KIF6: variants seen among roughly 807,000 people sequenced by gnomAD.
KIF6 encodes the protein kinesin-like protein KIF6.
Under a neutral mutation model 112.7 loss-of-function variants are expected in KIF6, and 106 were observed. That is an observed-to-expected ratio of 0.94 (90% CI 0.80 to 1.11). KIF6 has a LOEUF of 1.11. Among genes scored for constraint, KIF6 ranks in the 50% least tolerant of loss-of-function variants. The pLI, the probability that KIF6 is intolerant of heterozygous loss-of-function variation, is 0.00. For missense variants in KIF6, 929 were observed against 964.0 expected, an observed-to-expected ratio of 0.96 and a Z score of 0.48; for synonymous variants, 339 against 339.9, an observed-to-expected ratio of 1.00 and a Z score of 0.03.
At chr6:39,534,178 G>C (rs1778261830) in intron 13 of KIF6, among the ~76,000 whole-genome samples, 1 of 152,208 alleles carries the variant, frequency 6.6e-6, no homozygotes, top group Non-Finnish European at 1.5e-5. Context: ...AAGGAACGCA[G>C]TTCCTCACCA....
At chr6:39,575,889 G>A (rs1210947639) in intron 10 of KIF6, among the ~76,000 whole-genome samples, 3 of 152,042 alleles carry the variant, frequency 2.0e-5, no homozygotes, top group Non-Finnish European at 4.4e-5. Flanking sequence ...CCCACCTCTC[G>A]GTCCCTCAGG....
chr6:39,599,396 G>C (rs137871211), intron 6 of KIF6, among the ~76,000 whole-genome samples: 1 of 152,238 alleles, frequency 6.6e-6, no homozygotes, highest in African/African-American at 2.4e-5. Flanking sequence ...ATAAATTCTT[G>C]ATATACACCA....
chr6:39,707,891 T>C (rs1032416600), intron 3 of KIF6, among the ~76,000 whole-genome samples: 14 of 152,194 alleles, frequency 9.2e-5, no homozygotes, highest in African/African-American at 2.7e-4. Context: ...CAGAGTCACA[T>C]AGGGAGTTAG....
intron 15 of KIF6, among the ~76,000 whole-genome samples, chr6:39,395,956 C>A (rs1337543225): frequency 2.6e-5 from 4 of 152,118 alleles, no homozygotes; most frequent in Non-Finnish European, 5.9e-5. Flanking sequence ...TATAAATAAT[C>A]AACTCTTTCA....
intron 15 of KIF6, among the ~76,000 whole-genome samples, chr6:39,410,037 G>C (rs1769371406): frequency 6.6e-6 from 1 of 152,234 alleles, no homozygotes; most frequent in South Asian, 2.1e-4. Context: ...CACAGTTCCT[G>C]CTGGTATATT....
At chr6:39,652,996 A>G (rs1228252230) in intron 3 of KIF6, among the ~76,000 whole-genome samples, 1 of 152,236 alleles carries the variant, frequency 6.6e-6, no homozygotes, top group African/African-American at 2.4e-5. Context: ...AGTCTTAGAG[A>G]TTAAGTATAC....
intron 13 of KIF6, among the ~76,000 whole-genome samples, chr6:39,441,711 G>A (rs941418677): frequency 6.6e-6 from 1 of 152,176 alleles, no homozygotes; most frequent in Non-Finnish European, 1.5e-5. Flanking sequence ...GGGTGACCAA[G>A]GACACTCACT....
At chr6:39,518,142 G>A (rs1053086442) in intron 13 of KIF6, among the ~76,000 whole-genome samples, 3 of 152,210 alleles carry the variant, frequency 2.0e-5, no homozygotes, top group South Asian at 2.1e-4. Context: ...AACACTAAGT[G>A]TGGAAGGACA....
intron 7 of KIF6, among the ~76,000 whole-genome samples, chr6:39,589,067 C>A (rs904421968): frequency 2.6e-5 from 4 of 152,208 alleles, no homozygotes; most frequent in African/African-American, 9.7e-5. Context: ...GACATCATGT[C>A]CTGTCATGTT....
At chr6:39,635,867 T>C (rs1279003805) in intron 4 of KIF6, among the ~76,000 whole-genome samples, 1 of 152,058 alleles carries the variant, frequency 6.6e-6, no homozygotes, top group Non-Finnish European at 1.5e-5. Context: ...TTTCCGCAAA[T>C]ATTATCATGC....
chr6:39,359,699 T>G (rs895710376), intron 18 of KIF6, among the ~76,000 whole-genome samples: 6 of 152,116 alleles, frequency 3.9e-5, no homozygotes, highest in African/African-American at 1.4e-4. Context: ...ACTCTGCCCA[T>G]CTCAGACTCC....
At chr6:39,620,006 A>C (rs72852139) in intron 5 of KIF6, among the ~76,000 whole-genome samples, 1 of 152,316 alleles carries the variant, frequency 6.6e-6, no homozygotes, top group Non-Finnish European at 1.5e-5. Flanking sequence ...ACTGTATTGA[A>C]ACATGGTTTA....
chr6:39,501,077 C>A (rs115159698), intron 13 of KIF6, among the ~76,000 whole-genome samples: 1 of 152,018 alleles, frequency 6.6e-6, no homozygotes, highest in Non-Finnish European at 1.5e-5. Flanking sequence ...CAACTAGACC[C>A]ATGAAGAATG....
At position 39,377,621 on chromosome 6, in the gene KIF6, GAAC is replaced by G. The variant is rs1343026789; in HGVS notation, c.1861+7998_1861+8000del. Among the ~76,000 whole-genome samples the G allele has an allele frequency of 3.9e-5, 6 of 152,308 alleles. No homozygotes were observed. The East Asian group carries it at 1.2e-3, about 29-fold the overall frequency. ...TCAACAGCCGAGGCCTGTCTTTGAA[GAAC>G]AACAGGGATGCCACAAGAGGTCACT... On this transcript the variant is annotated intron_variant, in intron 16 of 22. Coordinates refer to ENST00000287152, the MANE Select transcript of KIF6 (RefSeq NM_145027.6).
At chr6:39,672,318 G>A (rs910176163) in intron 3 of KIF6, among the ~76,000 whole-genome samples, 1 of 152,088 alleles carries the variant, frequency 6.6e-6, no homozygotes, top group African/African-American at 2.4e-5. Context: ...TTAGCTTATG[G>A]TAACATTGGT....
intron 3 of KIF6, among the ~76,000 whole-genome samples, chr6:39,703,727 T>C (rs894768242): frequency 1.3e-5 from 2 of 152,200 alleles, no homozygotes; most frequent in Non-Finnish European, 2.9e-5. Flanking sequence ...CTGCAAGTGA[T>C]AAAGCACGAG....
chr6:39,486,804 C>A (rs926808746), intron 13 of KIF6, among the ~76,000 whole-genome samples: 18 of 152,086 alleles, frequency 1.2e-4, no homozygotes, highest in Admixed American at 1.2e-3. Context: ...TGCATGAACC[C>A]AGCAATGTTA....
intron 19 of KIF6, among the ~76,000 whole-genome samples, chr6:39,349,413 G>A (rs967838670): frequency 2.6e-5 from 4 of 151,996 alleles, no homozygotes; most frequent in Admixed American, 6.5e-5. Flanking sequence ...TGGCTGCAAG[G>A]GAGTATGACA....
intron 16 of KIF6, among the ~76,000 whole-genome samples, chr6:39,369,920 TA>T (rs1355935979): frequency 6.6e-6 from 1 of 152,176 alleles, no homozygotes; most frequent in African/African-American, 2.4e-5. Flanking sequence ...TCACCACCAC[TA>T]AGAGCCTGGC....
Sources: gnomAD v4.1 joint callset for allele counts (sites outside exome capture counted in the v4.1 genomes callset) on GRCh38, gnomAD v4.1.1 for gene constraint, MANE v1.5 for transcripts, NCBI Gene and HGNC (gene_info 2026-07-23, HGNC 2026-07-21) for gene names.